The following KPNA3 variants were observed in gnomAD, a reference collection of about 807,000 sequenced individuals.
The protein encoded by KPNA3 is importin subunit alpha-4.
In KPNA3, 13 loss-of-function variants were observed where a neutral mutation model predicts 73.8. That is an observed-to-expected ratio of 0.18 (90% CI 0.11 to 0.28). The LOEUF is 0.28. KPNA3 is among the 10% of genes least tolerant of loss of function. The pLI, the probability that KPNA3 is intolerant of heterozygous loss-of-function variation, is 1.00. For synonymous variants in KPNA3, 186 were observed against 206.9 expected (o/e 0.90, Z 0.87); for missense variants, 360 against 618.1 (o/e 0.58, Z 4.43).
intron 1 of KPNA3, among the ~76,000 whole-genome samples, chr13:49,777,257 C>T (rs1784965449): frequency 6.6e-6 from 1 of 152,168 alleles, no homozygotes; most frequent in African/African-American, 2.4e-5. Context: ...TCTGTAAACA[C>T]CACAAAGATA....
At chr13:49,763,241 AATT>A (rs1239782854) in intron 1 of KPNA3, among the ~76,000 whole-genome samples, 1 of 152,150 alleles carries the variant, frequency 6.6e-6, no homozygotes, top group East Asian at 1.9e-4. Flanking sequence ...ATGAAAAAAT[AATT>A]ATTAAGTTAG....
chr13:49,739,665 T>C (rs1459152262), intron 2 of KPNA3, among the ~76,000 whole-genome samples: 1 of 152,192 alleles, frequency 6.6e-6, no homozygotes, highest in Non-Finnish European at 1.5e-5. Flanking sequence ...GTGTGATCCT[T>C]ACACTAGTTA....
chr13:49,773,298 G>A (rs533611216), intron 1 of KPNA3, among the ~76,000 whole-genome samples: 1 of 152,266 alleles, frequency 6.6e-6, no homozygotes, highest in African/African-American at 2.4e-5. Flanking sequence ...TGGTTACAAG[G>A]AGGTAATCAT....
At chr13:49,774,135 G>A (rs1030974584) in intron 1 of KPNA3, among the ~76,000 whole-genome samples, 4 of 151,546 alleles carry the variant, frequency 2.6e-5, no homozygotes, top group Non-Finnish European at 5.9e-5. Context: ...AAACTCCTGC[G>A]CTCAAGTGAT....
chr13:49,775,170 AAAAAAAAAAAAAAAAAG>A (rs1954887196), intron 1 of KPNA3, among the ~76,000 whole-genome samples: 3 of 75,180 alleles, frequency 4.0e-5, no homozygotes, highest in East Asian at 5.9e-4. Context: ...CTCAAAAAAA[AAAAAAAAAAAAAAAAAG>A]AAAAAAGAAA....
chr13:49,734,954 T>TATAGAGAG (rs1555305321), intron 2 of KPNA3, among the ~76,000 whole-genome samples: 9 of 145,840 alleles, frequency 6.2e-5, no homozygotes, highest in Non-Finnish European at 1.0e-4. Flanking sequence ...GAGAGATAGA[T>TATAGAGAG]AGAGAGAGAG....
At chr13:49,721,500 T>G (rs1356302175) in intron 9 of KPNA3, among the ~76,000 whole-genome samples, 2 of 152,148 alleles carry the variant, frequency 1.3e-5, no homozygotes, top group Non-Finnish European at 2.9e-5. Context: ...ATAGGAGTAA[T>G]TAAATATGGT....
At chr13:49,787,748 T>C (rs2146438) in intron 1 of KPNA3, among the ~76,000 whole-genome samples, 139,684 of 150,060 alleles carry the variant, frequency 0.93, 65,118 homozygotes, top group East Asian at 1. Flanking sequence ...GGTGCGATCT[T>C]GACTCACTGC....
intron 6 of KPNA3, among the ~76,000 whole-genome samples, chr13:49,730,163 A>G (rs1318669305): frequency 6.6e-6 from 1 of 152,218 alleles, no homozygotes; most frequent in Non-Finnish European, 1.5e-5. Context: ...TTTCATAGAC[A>G]CAGACACACA....
In KPNA3 at chr13:49,792,555, C is replaced by T; in HGVS notation, c.-49G>A. The T allele has an allele frequency of 1.9e-6, 2 of 1,043,644 alleles. No homozygotes were observed. Among genetic ancestry groups the T allele is most frequent in the Non-Finnish European group, 2.7e-6 (2 of 752,466 alleles). 64.6% of individuals were successfully genotyped at this position (1,043,644 alleles called of 1,614,324 possible). A position where few individuals can be genotyped will look rare whatever the true frequency, so the allele number is the denominator to read the frequency against. The stretch of plus-strand genomic sequence containing the variant: ...GCTACTCCTGCGGCTGCGGCGGCGG[C>T]GGCGGCGAATCTTGGAGCGGGAGGG... On this transcript the variant is annotated 5_prime_UTR_variant, in exon 1 of 17. Coordinates refer to ENST00000261667, the MANE Select transcript of KPNA3 (RefSeq NM_002267.4).
chr13:49,780,573 T>C (rs1176215250), intron 1 of KPNA3, among the ~76,000 whole-genome samples: 1 of 152,152 alleles, frequency 6.6e-6, no homozygotes, highest in Non-Finnish European at 1.5e-5. Flanking sequence ...CCATCCCCTA[T>C]GGTATAACCA....
At chr13:49,720,729 CAAAA>C (rs10707385) in intron 9 of KPNA3, among the ~76,000 whole-genome samples, 2 of 88,014 alleles carry the variant, frequency 2.3e-5, no homozygotes, top group Admixed American at 2.3e-4. Flanking sequence ...GAGACTGTCT[CAAAA>C]AAAAAAAAAA....
chr13:49,711,145 AAT>A, intron 10 of KPNA3, 123 bp from the exon 11 acceptor site: 1 of 760,260 alleles, frequency 1.3e-6, no homozygotes, highest in East Asian at 2.8e-5. Flanking sequence ...TAGTGGCAAA[AAT>A]ATCTGCTTAG....
chr13:49,715,733 C>A (rs765271873), intron 10 of KPNA3, among the ~76,000 whole-genome samples: 34 of 152,174 alleles, frequency 2.2e-4, no homozygotes, highest in Admixed American at 5.2e-4. Context: ...GGGAATTTGG[C>A]AGTATGCAAC....
intron 2 of KPNA3, among the ~76,000 whole-genome samples, chr13:49,738,347 T>C (rs1954543406): frequency 6.6e-6 from 1 of 152,208 alleles, no homozygotes; most frequent in Non-Finnish European, 1.5e-5. Context: ...AGAGACTGTG[T>C]CTTTCCATAC....
At chr13:49,744,599 A>G (rs1399402422) in intron 2 of KPNA3, among the ~76,000 whole-genome samples, 1 of 152,194 alleles carries the variant, frequency 6.6e-6, no homozygotes, top group Non-Finnish European at 1.5e-5. Flanking sequence ...CTATGTTGTG[A>G]GTAGCTGGAA....
At chr13:49,783,192 G>T (rs760504315) in intron 1 of KPNA3, among the ~76,000 whole-genome samples, 64 of 151,828 alleles carry the variant, frequency 4.2e-4, no homozygotes, top group Non-Finnish European at 8.1e-4. Flanking sequence ...TCTATTTAAG[G>T]CAAGTGTCAA....
intron 1 of KPNA3, among the ~76,000 whole-genome samples, chr13:49,788,458 G>A (rs550416604): frequency 6.6e-6 from 1 of 152,248 alleles, no homozygotes; most frequent in South Asian, 2.1e-4. Flanking sequence ...GGTGACTCAT[G>A]CCCCTAATCC....
intron 1 of KPNA3, among the ~76,000 whole-genome samples, chr13:49,789,660 T>C (rs1476036893): frequency 6.6e-6 from 1 of 152,248 alleles, no homozygotes; most frequent in Non-Finnish European, 1.5e-5. Context: ...GTACTGTTTC[T>C]AATGGACAAG....
Sources: allele counts gnomAD v4.1 joint callset (sites outside exome capture counted in the v4.1 genomes callset), GRCh38; gene constraint gnomAD v4.1.1; transcripts MANE v1.5; gene names NCBI Gene and HGNC (gene_info 2026-07-23, HGNC 2026-07-21).